ZNF160: variants seen among roughly 807,000 people sequenced by gnomAD.
ZNF160 encodes the protein zinc finger protein 160.
ZNF160 carries 9 observed loss-of-function variants against 13.1 expected under a neutral mutation model. That is an observed-to-expected ratio of 0.69 (90% confidence interval 0.41 to 1.20). ZNF160 has a LOEUF of 1.20. Ranked by LOEUF, ZNF160 falls within the 50% of genes most tolerant of loss-of-function variation. The pLI is 0.01. For missense variants in ZNF160, 838 were observed against 988.0 expected (o/e 0.85, Z 2.04); for synonymous variants, 293 against 333.2 (o/e 0.88, Z 1.31).
intron 3 of ZNF160, among the ~76,000 whole-genome samples, chr19:53,080,483 C>A (rs1230238917): frequency 6.6e-6 from 1 of 152,082 alleles, no homozygotes; most frequent in Non-Finnish European, 1.5e-5. Context: ...AATAGCCACA[C>A]CCCCCAAAAA....
At chr19:53,072,397 G>C (rs373803995) in intron 5 of ZNF160, among the ~76,000 whole-genome samples, 1 of 152,174 alleles carries the variant, frequency 6.6e-6, no homozygotes, top group Non-Finnish European at 1.5e-5. Context: ...TCTATACCTG[G>C]CCTGACAGTT....
rs147900399 is a variant in ZNF160 at position 53,068,279 on chromosome 19, C to T, written c.2255G>A (p.Arg752Gln). 3.6e-5 allele frequency: 58 copies of T among 1,613,740 alleles called. No homozygotes were observed. The highest frequency in any genetic ancestry group is 1.6e-4 in the Middle Eastern group (1 of 6,084). ...FTQNAHLANH[R>Q]RIHTGEKPYR... ...AGGTTTCTCCCCAGTATGAATTCTT[C>T]GGTGATTTGCCAGGTGAGCATTTTG... The change falls in exon 6 of 6, where the codon CGA becomes CAA. Residue 752 changes from arginine (R) to glutamine (Q), a missense_variant. Physicochemically the swap from Arg to Gln is conservative, Grantham distance 43. Transcript: ENST00000683776.
chr19:53,086,442 T>G (rs1052384326), intron 2 of ZNF160, 121 bp from the exon 3 acceptor site: 13 of 756,112 alleles, frequency 1.7e-5, no homozygotes, highest in Non-Finnish European at 2.3e-5. Flanking sequence ...TCTCACCCTG[T>G]GGAAAGATGG....
chr19:53,094,666 C>T (rs2085154364), intron 1 of ZNF160, among the ~76,000 whole-genome samples: 1 of 152,140 alleles, frequency 6.6e-6, no homozygotes, highest in South Asian at 2.1e-4. Flanking sequence ...TGTTCTTTTG[C>T]CTTAAATTGT....
At position 53,083,244 on chromosome 19, in the gene ZNF160, C is replaced by T. The variant is rs535008491; in HGVS notation, c.15+3018G>A. Among the ~76,000 whole-genome samples the T allele has an allele frequency of 6.6e-5, 10 of 152,304 alleles. No individual in the cohort carries two copies. The South Asian group carries it at 2.1e-3, about 32-fold the overall frequency. ...CGTCGCCTCTCCCCCTCCCTGGTAG[C>T]TGAGGAGTGGAGTTTAAAGCCCCAA... On this transcript the variant is annotated intron_variant, in intron 3 of 5. Coordinates refer to ENST00000683776, the MANE Select transcript of ZNF160 (RefSeq NM_001322131.2).
At chr19:53,073,313 T>C in intron 5 of ZNF160, 2 of 1,588,702 alleles carry the variant, frequency 1.3e-6, no homozygotes, top group Non-Finnish European at 1.7e-6. Context: ...GTTAGGTGTC[T>C]TTACGGTTAT....
chr19:53,099,629 T>G (rs2085371294), intron 1 of ZNF160, among the ~76,000 whole-genome samples: 1 of 152,222 alleles, frequency 6.6e-6, no homozygotes, highest in Non-Finnish European at 1.5e-5. Context: ...CTTGTGGTTT[T>G]GGTTTTGTTT....
Position 53,069,192 on chromosome 19 carries a change from T to C in ZNF160, c.1342A>G (p.Thr448Ala), listed in dbSNP as rs758075705. The part of the protein sequence containing the change: ...SYLGRHRRVH[T>A]GEKPYKCNEC... ...TTACACTTGTAAGGTTTCTCACCAG[T>C]ATGAACTCTCCGATGCCTTCCGAGG... Residue 448 changes from threonine to alanine, a missense_variant, in exon 6 of 6, where the codon ACT becomes GCT. Physicochemically the swap from Thr to Ala is moderately conservative, Grantham distance 58. Coordinates refer to ENST00000683776, the MANE Select transcript of ZNF160 (RefSeq NM_001322131.2). This position sits in a 1 kb window ranked among gnomAD's most constrained non-coding sequence, Gnocchi z 4.4. The C allele has an allele frequency of 6.2e-7, 1 of 1,614,074 alleles. No individual in the cohort carries two copies. The highest frequency in any genetic ancestry group is 8.5e-7 in the Non-Finnish European group (1 of 1,179,934).
rs370916091 is a variant in ZNF160, at chr19:53,067,893, C to T, written c.*184G>A. ...ATAAATCTTGATGCCTAGTAACCTG[C>T]GAGGCCTGGATAGACCCTCTGCCAC... On this transcript the variant is annotated 3_prime_UTR_variant, in exon 6 of 6. Transcript: ENST00000683776. 8 of 715,756 alleles carry T rather than the reference C, an allele frequency of 1.1e-5. No homozygotes were observed. The highest frequency in any genetic ancestry group is 1.8e-5 in the African/African-American group (1 of 56,086). 44.3% of individuals were successfully genotyped at this position (715,756 alleles called of 1,614,324 possible).
At position 53,074,203 on chromosome 19, in the gene ZNF160, T is replaced by G. The variant is rs761657487; in HGVS notation, c.208A>C (p.Lys70Gln). The change falls in exon 5 of 6, where the codon AAG becomes CAG. Residue 70 changes from lysine to glutamine, a missense_variant. Coordinates refer to ENST00000683776, the MANE Select transcript of ZNF160 (RefSeq NM_001322131.2). The part of the protein sequence containing the change: ...LEEGKEPWTV[K>Q]SCVKIARKPR... ...TTTCTTGCTATTTTCACACAGCTCT[T>G]CACAGTCCAGGGCTCTTTCCCTTCC... The G allele has an allele frequency of 1.9e-6, 3 of 1,613,934 alleles. No homozygotes were observed. Among genetic ancestry groups the G allele is most frequent in the Non-Finnish European group, 2.5e-6 (3 of 1,179,982 alleles).
chr19:53,067,392 C>G lies in ZNF160; in HGVS notation c.*685G>C, dbSNP rs1319715897. On this transcript the variant is annotated 3_prime_UTR_variant, in exon 6 of 6. Transcript: ENST00000683776. ...TAGTTTTACATTGTTTTTCGCCACTCCCAAATGCTAATTCAGATGATACTT... is the reference window on the plus strand; with the variant it reads ...TAGTTTTACATTGTTTTTCGCCACTGCCAAATGCTAATTCAGATGATACTT... 1 of 152,182 alleles carries G rather than the reference C, an allele frequency of 6.6e-6. No individual in the cohort carries two copies. Among genetic ancestry groups the G allele is most frequent in the Non-Finnish European group, 1.5e-5 (1 of 68,042 alleles). 9.4% of individuals were successfully genotyped at this position (152,182 alleles called of 1,614,324 possible).
At chr19:53,087,560 AT>A (rs1405139363) in intron 2 of ZNF160, among the ~76,000 whole-genome samples, 3 of 151,916 alleles carry the variant, frequency 2.0e-5, no homozygotes, top group African/African-American at 7.3e-5. Flanking sequence ...TAATTAATTA[AT>A]TAATTTTTGA....
intron 2 of ZNF160, among the ~76,000 whole-genome samples, chr19:53,090,261 C>A (rs1015676385): frequency 2.0e-5 from 3 of 152,108 alleles, no homozygotes; most frequent in Non-Finnish European, 2.9e-5. Context: ...CCCTTTCTGC[C>A]CCTCTCCCTA....
At chr19:53,095,254 A>T (rs1200363293) in intron 1 of ZNF160, 1 of 19,948 alleles carries the variant, frequency 5.0e-5, no homozygotes, top group Non-Finnish European at 8.5e-5. Flanking sequence ...CCCAGACCCC[A>T]CCTCACGGTG....
chr19:53,093,802 C>A (rs1455299342), intron 1 of ZNF160, among the ~76,000 whole-genome samples: 1 of 152,132 alleles, frequency 6.6e-6, no homozygotes, highest in Non-Finnish European at 1.5e-5. Context: ...AAGAAAAAAG[C>A]TTTGAAGGGC....
chr19:53,088,744 T>C lies in ZNF160; in HGVS notation c.-45-2423A>G, dbSNP rs576880606. On this transcript the variant is annotated intron_variant, in intron 2 of 5. Transcript: ENST00000683776. ...TACTCTGACACTCTAACACAGAATA[T>C]TTCACCTCTAGTCACCAAAATGTGT... Among the ~76,000 whole-genome samples, 59 of 152,178 alleles carry C rather than the reference T, an allele frequency of 3.9e-4. 1 individual carries two copies. In the South Asian group the frequency reaches 0.012, roughly 30 times the overall value.
chr19:53,073,088 A>G lies in ZNF160; in HGVS notation c.271+1052T>C, dbSNP rs1326724779. Reference sequence around the variant, plus strand: ...AAGTCATCTCAAAAACCTATCATTTACTCCTAATGTTTTCACCCAGTGACC... The same window carrying G: ...AAGTCATCTCAAAAACCTATCATTTGCTCCTAATGTTTTCACCCAGTGACC... On this transcript the variant is annotated intron_variant, in intron 5 of 5. Transcript: ENST00000683776. 14 of 945,368 alleles carry G rather than the reference A, an allele frequency of 1.5e-5. No homozygotes were observed. In the East Asian group the frequency reaches 1.8e-4, roughly 12 times the overall value. 58.6% of individuals were successfully genotyped at this position (945,368 alleles called of 1,614,324 possible). A position where few individuals can be genotyped will look rare whatever the true frequency, so the allele number is the denominator to read the frequency against.
In ZNF160 at chr19:53,087,414, T is replaced by G. The variant is rs73935217; in HGVS notation, c.-45-1093A>C. The stretch of plus-strand genomic sequence containing the variant: ...TTTACAAAGTAACACACTTACAACA[T>G]AGTATCTTGCATATTTTAAACATGA... On this transcript the variant is annotated intron_variant, in intron 2 of 5. Coordinates refer to ENST00000683776, the MANE Select transcript of ZNF160 (RefSeq NM_001322131.2). Among the ~76,000 whole-genome samples, 1,172 of 152,266 alleles carry G rather than the reference T, an allele frequency of 7.7e-3. 15 individuals carry two copies. The highest frequency in any genetic ancestry group is 0.027 in the African/African-American group (1,110 of 41,560).
At chr19:53,071,534 C>A (rs1168113632) in intron 5 of ZNF160, among the ~76,000 whole-genome samples, 9 of 122,990 alleles carry the variant, frequency 7.3e-5, no homozygotes, top group East Asian at 2.3e-4. Flanking sequence ...AAAACTCCGT[C>A]TCATCAAAAA....
Sources: gnomAD v4.1 joint callset for allele counts (sites outside exome capture counted in the v4.1 genomes callset) on GRCh38, gnomAD v4.1.1 for gene constraint, Gnocchi (gnomAD v3.1) non-coding constraint, MANE v1.5 for transcripts, NCBI Gene and HGNC (gene_info 2026-07-23, HGNC 2026-07-21) for gene names.